The following PSMA1 variants were observed in gnomAD, a reference collection of about 807,000 sequenced individuals.
The protein encoded by PSMA1 is proteasome 20S subunit alpha 1.
PSMA1 carries 3 observed loss-of-function variants against 38.4 expected under a neutral mutation model. The ratio of observed to expected loss-of-function variants is 0.08; its 90% CI spans 0.04 to 0.20. The LOEUF is 0.20. PSMA1 is among the 10% of genes least tolerant of loss of function. PSMA1 has a pLI of 1.00. For synonymous variants in PSMA1, 101 were observed against 107.1 expected (o/e 0.94, Z 0.35); for missense variants, 227 against 325.3 (o/e 0.70, Z 2.32).
chr11:14,554,839 TA>T (rs1391772759), intron 2 of PSMA1, among the ~76,000 whole-genome samples: 1 of 152,212 alleles, frequency 6.6e-6, no homozygotes, highest in Non-Finnish European at 1.5e-5. Flanking sequence ...ATGGTATTAT[TA>T]GACCAGTTTT....
chr11:14,557,652 C>A (rs1426253917), intron 2 of PSMA1, among the ~76,000 whole-genome samples: 1 of 152,130 alleles, frequency 6.6e-6, no homozygotes, highest in African/African-American at 2.4e-5. Context: ...TGAGGGAATT[C>A]ATCATTCAGT....
At chr11:14,562,514 CAA>C (rs1280412089) in intron 2 of PSMA1, among the ~76,000 whole-genome samples, 1 of 152,120 alleles carries the variant, frequency 6.6e-6, no homozygotes, top group Non-Finnish European at 1.5e-5. Context: ...ATGGAACTGC[CAA>C]AGAGTTTTGA....
intron 1 of PSMA1, among the ~76,000 whole-genome samples, chr11:14,642,931 T>C (rs1460615544): frequency 6.6e-6 from 1 of 152,120 alleles, no homozygotes; most frequent in Non-Finnish European, 1.5e-5. Context: ...TAGAAAGTGC[T>C]GTTACAGTGA....
intron 2 of PSMA1, among the ~76,000 whole-genome samples, chr11:14,583,540 T>C (rs1852306482): frequency 6.6e-6 from 1 of 152,162 alleles, no homozygotes; most frequent in Non-Finnish European, 1.5e-5. Flanking sequence ...CTGTTGACTC[T>C]TGGAAGGAGT....
intron 2 of PSMA1, among the ~76,000 whole-genome samples, chr11:14,553,953 G>A (rs1420757205): frequency 1.3e-5 from 2 of 152,232 alleles, no homozygotes; most frequent in African/African-American, 4.8e-5. Context: ...ATATGAGAGA[G>A]TCAGTTTTCT....
At chr11:14,511,434 C>T (rs908374108) in intron 7 of PSMA1, among the ~76,000 whole-genome samples, 7 of 151,884 alleles carry the variant, frequency 4.6e-5, no homozygotes, top group African/African-American at 7.3e-5. Context: ...ACAAACGGAA[C>T]CTGGCAACAC....
intron 2 of PSMA1, among the ~76,000 whole-genome samples, chr11:14,529,211 C>G (rs1554967875): frequency 6.6e-6 from 1 of 151,780 alleles, no homozygotes; most frequent in African/African-American, 2.4e-5. Context: ...AAATAAGAGC[C>G]AAGTTGAAAA....
At chr11:14,540,529 C>T (rs1851762439) in intron 2 of PSMA1, among the ~76,000 whole-genome samples, 1 of 152,196 alleles carries the variant, frequency 6.6e-6, no homozygotes, top group Non-Finnish European at 1.5e-5. Flanking sequence ...TCTACACATA[C>T]TACCTTACTA....
At chr11:14,574,551 C>T (rs1281076078) in intron 2 of PSMA1, among the ~76,000 whole-genome samples, 1 of 152,094 alleles carries the variant, frequency 6.6e-6, no homozygotes, top group African/African-American at 2.4e-5. Context: ...TGGTAGTTCC[C>T]ATAATCCCCA....
chr11:14,630,168 C>A lies in PSMA1; in HGVS notation c.-166+13287G>T, dbSNP rs1161167078. On this transcript the variant is annotated intron_variant, in intron 1 of 10. Transcript: ENST00000418988. ...GAATACCCTTTATTTCCTTCTCCTG[C>A]CTAATTGCCCTGGCCAGAACTTCCA... Among the ~76,000 whole-genome samples, 5 of 152,176 alleles carry A rather than the reference C, an allele frequency of 3.3e-5. No homozygotes were observed. The South Asian group carries it at 8.3e-4, about 25-fold the overall frequency.
At chr11:14,543,669 T>A (rs1255219096) in intron 2 of PSMA1, among the ~76,000 whole-genome samples, 3 of 152,208 alleles carry the variant, frequency 2.0e-5, no homozygotes, top group African/African-American at 7.2e-5. Context: ...TTATTGAAAT[T>A]AATTTACATA....
At chr11:14,552,913 A>G (rs992214705) in intron 2 of PSMA1, among the ~76,000 whole-genome samples, 4 of 150,110 alleles carry the variant, frequency 2.7e-5, no homozygotes, top group Admixed American at 6.7e-5. Context: ...TGCAGCCACA[A>G]TTTCCTGGGC....
rs561439040 is a variant in PSMA1, at chr11:14,555,156, C to T, written c.22-36115G>A. ...CAGATGGGAGAACTGTCTCTCAGAT[C>T]GCAGTACCAGGAATAGCTATATTTC... On this transcript the variant is annotated intron_variant, in intron 2 of 10. Coordinates refer to the PSMA1 transcript ENST00000418988. Among the ~76,000 whole-genome samples, 8 of 152,324 alleles carry T rather than the reference C, an allele frequency of 5.3e-5. No individual in the cohort carries two copies. The South Asian group carries it at 8.3e-4, about 16-fold the overall frequency.
At chr11:14,596,868 A>G (rs189110777) in intron 2 of PSMA1, among the ~76,000 whole-genome samples, 228 of 152,270 alleles carry the variant, frequency 1.5e-3, no homozygotes, top group Non-Finnish European at 2.5e-3. Flanking sequence ...TCAGTATGAT[A>G]TTGGTTATGG....
At chr11:14,629,483 T>G (rs1320079670) in intron 1 of PSMA1, among the ~76,000 whole-genome samples, 1 of 151,246 alleles carries the variant, frequency 6.6e-6, no homozygotes, top group African/African-American at 2.4e-5. Flanking sequence ...GTTGTAGATA[T>G]GCGGTGTTAT....
intron 2 of PSMA1, among the ~76,000 whole-genome samples, chr11:14,568,114 G>C (rs1852094284): frequency 6.6e-6 from 1 of 152,176 alleles, no homozygotes; most frequent in Admixed American, 6.5e-5. Context: ...CTAGGTCAAT[G>C]CTTCAGATTT....
intron 1 of PSMA1, among the ~76,000 whole-genome samples, chr11:14,619,270 GA>G (rs1323345847): frequency 6.6e-6 from 1 of 152,014 alleles, no homozygotes; most frequent in Non-Finnish European, 1.5e-5. Context: ...GCAACATGGC[GA>G]AAACTTGCCT....
chr11:14,573,942 C>T (rs902063073), intron 2 of PSMA1, among the ~76,000 whole-genome samples: 9 of 152,140 alleles, frequency 5.9e-5, no homozygotes, highest in African/African-American at 1.7e-4. Flanking sequence ...TTTAGAGTAT[C>T]GGGCAGAAGA....
At chr11:14,519,809 C>T (rs1458656180) in intron 1 of PSMA1, 2 of 159,148 alleles carry the variant, frequency 1.3e-5, no homozygotes, top group African/African-American at 4.8e-5. Context: ...GGTGACTGGA[C>T]AAAATGATTG....
Sources: gnomAD v4.1 joint callset for allele counts (sites outside exome capture counted in the v4.1 genomes callset) on GRCh38, gnomAD v4.1.1 for gene constraint, MANE v1.5 for transcripts, NCBI Gene and HGNC (gene_info 2026-07-23, HGNC 2026-07-21) for gene names.